PACSIN2: variants seen among roughly 807,000 people sequenced by gnomAD.
PACSIN2 encodes the protein protein kinase C and casein kinase substrate in neurons protein 2.
In PACSIN2, 25 loss-of-function variants were observed where a neutral mutation model predicts 63.8. The ratio of observed to expected loss-of-function variants is 0.39; its 90% CI spans 0.29 to 0.55. The LOEUF (loss-of-function observed/expected upper bound fraction) is 0.55. Among genes scored for constraint, PACSIN2 ranks in the 20% least tolerant of loss-of-function variants. The pLI is 0.62. For synonymous variants in PACSIN2, 255 were observed against 256.2 expected (o/e 1.00, Z 0.05); for missense variants, 518 against 646.9 (o/e 0.80, Z 2.16).
chr22:42,969,834 G>A (rs1022206095), intron 1 of PACSIN2, among the ~76,000 whole-genome samples: 10 of 151,706 alleles, frequency 6.6e-5, no homozygotes, highest in South Asian at 6.2e-4. Flanking sequence ...ACTCAGGAGG[G>A]TGAGGCTGCA....
chr22:42,884,182 G>C (rs1409328983), intron 6 of PACSIN2, among the ~76,000 whole-genome samples: 1 of 152,132 alleles, frequency 6.6e-6, no homozygotes, highest in Admixed American at 6.5e-5. Flanking sequence ...AGGTCCAGCC[G>C]GCCATGCCTG....
At chr22:42,904,675 C>G (rs1930942248) in intron 2 of PACSIN2, among the ~76,000 whole-genome samples, 1 of 151,764 alleles carries the variant, frequency 6.6e-6, no homozygotes, top group African/African-American at 2.4e-5. Flanking sequence ...AGCCTCCCCA[C>G]CTCCTTCCGT....
At chr22:42,882,055 C>T in intron 7 of PACSIN2, 129 bp downstream of exon 7, 3 of 1,141,768 alleles carry the variant, frequency 2.6e-6, no homozygotes, top group South Asian at 2.6e-5. Context: ...ATAGCTATGC[C>T]TAAAGGCTGC....
chr22:43,010,635 G>A (rs1244532806), intron 1 of PACSIN2, among the ~76,000 whole-genome samples: 2 of 152,014 alleles, frequency 1.3e-5, no homozygotes, highest in Non-Finnish European at 2.9e-5. Context: ...GCATGAACTC[G>A]GGAGGCGCAG....
At position 42,876,032 on chromosome 22, in the gene PACSIN2, A is replaced by G. The variant is rs929878235; in HGVS notation, c.1348+105T>C. 8 of 953,348 alleles carry G rather than the reference A, an allele frequency of 8.4e-6. No individual in the cohort carries two copies. The South Asian group carries it at 1.2e-4, about 14-fold the overall frequency. 59.1% of individuals were successfully genotyped at this position (953,348 alleles called of 1,614,324 possible). A position where few individuals can be genotyped will look rare whatever the true frequency, so the allele number is the denominator to read the frequency against. On this transcript the variant is annotated intron_variant, in intron 10 of 10. Transcript: ENST00000263246. ...GGGGAAGGGCCTGCAGTGACTCACA[A>G]GTGAAACTAGCAAGAACTTTTCCAG...
At chr22:42,964,727 G>A (rs1236076408) in intron 1 of PACSIN2, among the ~76,000 whole-genome samples, 1 of 152,048 alleles carries the variant, frequency 6.6e-6, no homozygotes, top group Non-Finnish European at 1.5e-5. Context: ...GGACGACAAA[G>A]TTAGACAAAA....
intron 1 of PACSIN2, among the ~76,000 whole-genome samples, chr22:42,971,166 G>T (rs950027649): frequency 6.6e-6 from 1 of 152,178 alleles, no homozygotes; most frequent in Admixed American, 6.5e-5. Flanking sequence ...CCGCCATCTC[G>T]GCTCACTGCA....
chr22:42,905,791 G>A (rs911067864), intron 2 of PACSIN2, among the ~76,000 whole-genome samples: 22 of 152,188 alleles, frequency 1.4e-4, no homozygotes, highest in Admixed American at 7.8e-4. Flanking sequence ...GTGGGTGGAT[G>A]GGTAAAAGGG....
At chr22:43,014,969 G>C (rs1924792636) in intron 1 of PACSIN2, 52 bp downstream of exon 1, 1 of 149,896 alleles carries the variant, frequency 6.7e-6, no homozygotes, top group Non-Finnish European at 1.5e-5. Flanking sequence ...CCCGCGTCCC[G>C]CCCGCGGCGC....
At chr22:42,889,373 T>TACACACACACACAC (rs58408551) in intron 4 of PACSIN2, among the ~76,000 whole-genome samples, 2,713 of 122,476 alleles carry the variant, frequency 0.022, 57 homozygotes, top group East Asian at 0.064. Flanking sequence ...TAATGGTTTT[T>TACACACACACACAC]ACACACACAC....
chr22:42,985,337 G>T (rs1569352954), intron 1 of PACSIN2, among the ~76,000 whole-genome samples: 1 of 152,216 alleles, frequency 6.6e-6, no homozygotes, highest in Non-Finnish European at 1.5e-5. Context: ...TCCATCAGCT[G>T]TGCACCTCTC....
chr22:42,954,241 C>T lies in PACSIN2; in HGVS notation c.-77-42084G>A, dbSNP rs113372886. On this transcript the variant is annotated intron_variant, in intron 1 of 10. Transcript: ENST00000263246. ...TCATGCCACTGCACTCCAGCCTAGG[C>T]GACTGGGCAAGACCCTATCTTGAAA... 4.8e-3 allele frequency among the ~76,000 whole-genome samples: 732 copies of T among 152,244 alleles called. 4 individuals are homozygous for T. Among genetic ancestry groups the T allele is most frequent in the African/African-American group, 0.017 (688 of 41,540 alleles).
rs117421281 is a variant in PACSIN2, at chr22:42,927,353, T to C, written c.-77-15196A>G. On this transcript the variant is annotated intron_variant, in intron 1 of 10. Coordinates refer to ENST00000263246, the MANE Select transcript of PACSIN2 (RefSeq NM_001184970.3). The stretch of plus-strand genomic sequence containing the variant: ...CTCTGCCCCCGAGTTCAAGCAACTT[T>C]CATGTCTCAGCTTCCCGAGTAGCTG... Among the ~76,000 whole-genome samples the C allele has an allele frequency of 5.7e-3, 865 of 152,230 alleles. 29 individuals are homozygous for C. The East Asian group carries it at 0.064, about 11-fold the overall frequency.
rs180703192 is a variant in PACSIN2, at chr22:42,906,356, G to A, written c.60+5665C>T. On this transcript the variant is annotated intron_variant, in intron 2 of 10. Transcript: ENST00000263246. ...ATCTCAACGTCAAAGTCTGTCCAAT[G>A]TTGACGTCTGTTTTCATAAGCGTCC... is the stretch of plus-strand genomic sequence containing the variant. Among the ~76,000 whole-genome samples the A allele has an allele frequency of 1.4e-4, 21 of 152,370 alleles. 1 individual carries two copies. Among genetic ancestry groups the A allele is most frequent in the Admixed American group, 1.3e-3 (20 of 15,312 alleles).
intron 1 of PACSIN2, among the ~76,000 whole-genome samples, chr22:42,929,224 G>GA (rs1305144623): frequency 1.3e-5 from 2 of 152,182 alleles, no homozygotes; most frequent in African/African-American, 4.8e-5. Context: ...TCAGCATAAA[G>GA]AAAGTCCATG....
chr22:42,883,877 G>T (rs540190340), intron 6 of PACSIN2, among the ~76,000 whole-genome samples: 141 of 152,300 alleles, frequency 9.3e-4, no homozygotes, highest in African/African-American at 3.3e-3. Context: ...GGTGGCGCAT[G>T]CCTGTAATCC....
intron 1 of PACSIN2, among the ~76,000 whole-genome samples, chr22:43,006,154 A>C (rs568416953): frequency 3.9e-5 from 6 of 152,254 alleles, no homozygotes; most frequent in African/African-American, 1.4e-4. Context: ...ATGTGAAGCT[A>C]TAAGAAGTCA....
At chr22:42,957,576 T>C (rs1409318669) in intron 1 of PACSIN2, among the ~76,000 whole-genome samples, 1 of 152,266 alleles carries the variant, frequency 6.6e-6, no homozygotes, top group Non-Finnish European at 1.5e-5. Context: ...TTAATGATTC[T>C]GGAAAATTGT....
At position 43,009,865 on chromosome 22, in the gene PACSIN2, A is replaced by ATT. The variant is rs898985902; in HGVS notation, c.-78+5154_-78+5155dup. Among the ~76,000 whole-genome samples the ATT allele has an allele frequency of 4.4e-3, 334 of 75,604 alleles. 3 individuals carry two copies. The highest frequency in any genetic ancestry group is 9.9e-3 in the African/African-American group (276 of 28,012). 49.6% of individuals were successfully genotyped at this position (75,604 alleles called of 152,430 possible). On this transcript the variant is annotated intron_variant, in intron 1 of 10. Transcript: ENST00000263246. ...GTTGAGACATCATTTTATTTTTTCT[A>ATT]TTTTTTTTTTTTTTTTTTTTTGAGA...
Sources: allele counts gnomAD v4.1 joint callset (sites outside exome capture counted in the v4.1 genomes callset), GRCh38; gene constraint gnomAD v4.1.1; transcripts MANE v1.5; gene names NCBI Gene and HGNC (gene_info 2026-07-23, HGNC 2026-07-21).